The following NKAIN2 variants were observed in gnomAD, a reference collection of about 807,000 sequenced individuals.
The protein encoded by NKAIN2 is sodium/potassium-transporting ATPase subunit beta-1-interacting protein 2.
A neutral mutation model predicts 32.6 loss-of-function variants in NKAIN2; 14 were observed. The observed-to-expected ratio is 0.43, with a 90% confidence interval of 0.28 to 0.67. The LOEUF is 0.67. Among genes scored for constraint, NKAIN2 ranks in the 30% least tolerant of loss-of-function variants. The pLI is 0.17. For missense variants in NKAIN2, 198 were observed against 258.3 expected, an observed-to-expected ratio of 0.77 and a Z score of 1.60; for synonymous variants, 80 against 87.2, an observed-to-expected ratio of 0.92 and a Z score of 0.46.
At chr6:124,462,305 A>G (rs1776564083) in intron 3 of NKAIN2, among the ~76,000 whole-genome samples, 1 of 151,948 alleles carries the variant, frequency 6.6e-6, no homozygotes. Flanking sequence ...CAGTCATTAG[A>G]GCTTAGCTTT....
At chr6:124,588,447 G>T (rs1781791874) in intron 3 of NKAIN2, among the ~76,000 whole-genome samples, 1 of 152,014 alleles carries the variant, frequency 6.6e-6, no homozygotes, top group South Asian at 2.1e-4. Flanking sequence ...TTTCGGTAAT[G>T]ATCATACACT....
In NKAIN2 at chr6:124,268,771, A is replaced by C. The variant is rs554319009; in HGVS notation, c.55-14234A>C. Among the ~76,000 whole-genome samples, 346 of 151,870 alleles carry C rather than the reference A, an allele frequency of 2.3e-3. 2 individuals carry two copies. Among genetic ancestry groups the C allele is most frequent in the Non-Finnish European group, 4.0e-3 (270 of 67,928 alleles). On this transcript the variant is annotated intron_variant, in intron 1 of 6. Transcript: ENST00000368417. ...ATATTCAGTATTGTATGTGCATATA[A>C]ATTTTAATACCACTGCTGAAGTGAT...
chr6:124,732,821 A>C (rs909963913), intron 4 of NKAIN2, among the ~76,000 whole-genome samples: 6 of 152,026 alleles, frequency 3.9e-5, no homozygotes, highest in African/African-American at 1.2e-4. Flanking sequence ...ATTCTACTAG[A>C]TATTAACCCA....
chr6:124,343,932 C>T (rs190740322), intron 2 of NKAIN2, among the ~76,000 whole-genome samples: 2,547 of 145,168 alleles, frequency 0.018, 87 homozygotes, highest in East Asian at 0.12. Flanking sequence ...ATGGTATTGC[C>T]TAGGTTTTCT....
intron 1 of NKAIN2, among the ~76,000 whole-genome samples, chr6:124,149,468 G>A (rs1787587501): frequency 6.6e-6 from 1 of 152,158 alleles, no homozygotes; most frequent in South Asian, 2.1e-4. Flanking sequence ...TTTATGGTGA[G>A]AGGTCCTGGT....
intron 3 of NKAIN2, among the ~76,000 whole-genome samples, chr6:124,642,146 A>AT (rs1020743520): frequency 2.6e-5 from 4 of 152,110 alleles, no homozygotes; most frequent in Non-Finnish European, 5.9e-5. Flanking sequence ...ACACCTTTGA[A>AT]TTTTTTAGTG....
At chr6:124,139,829 A>C (rs1224292183) in intron 1 of NKAIN2, among the ~76,000 whole-genome samples, 1 of 152,184 alleles carries the variant, frequency 6.6e-6, no homozygotes, top group African/African-American at 2.4e-5. Flanking sequence ...GAAGAAGGAT[A>C]TTTATTTCTC....
intron 1 of NKAIN2, among the ~76,000 whole-genome samples, chr6:123,869,553 G>T (rs79056243): frequency 6.6e-6 from 1 of 152,138 alleles, no homozygotes; most frequent in African/African-American, 2.4e-5. Flanking sequence ...TCATTAAATG[G>T]CAACTGAACA....
intron 1 of NKAIN2, among the ~76,000 whole-genome samples, chr6:124,094,177 C>G (rs888367382): frequency 6.6e-6 from 1 of 152,126 alleles, no homozygotes; most frequent in Non-Finnish European, 1.5e-5. Context: ...ATTTACAATA[C>G]TTTTTATCTC....
intron 1 of NKAIN2, among the ~76,000 whole-genome samples, chr6:123,918,487 G>T (rs1397974749): frequency 1.3e-5 from 2 of 152,192 alleles, no homozygotes; most frequent in African/African-American, 4.8e-5. Flanking sequence ...CCGCATGGCA[G>T]AAATGCCCTT....
At chr6:124,222,907 T>G (rs2114702323) in intron 1 of NKAIN2, among the ~76,000 whole-genome samples, 1 of 152,188 alleles carries the variant, frequency 6.6e-6, no homozygotes, top group Admixed American at 6.5e-5. Context: ...TCAGATGATA[T>G]TAGAAAGAAC....
At chr6:124,712,612 C>T (rs900896711) in intron 4 of NKAIN2, among the ~76,000 whole-genome samples, 5 of 148,880 alleles carry the variant, frequency 3.4e-5, no homozygotes, top group Non-Finnish European at 5.9e-5. Context: ...TTCTTTGAGT[C>T]GGAAAGGGAA....
intron 4 of NKAIN2, among the ~76,000 whole-genome samples, chr6:124,731,904 A>G (rs935296071): frequency 3.3e-5 from 5 of 152,112 alleles, no homozygotes; most frequent in Admixed American, 3.3e-4. Flanking sequence ...CAGTATCTAT[A>G]AAGTCCCAGT....
chr6:124,515,708 T>TGTTTCCCTTCTTTCTTTG lies in NKAIN2; in HGVS notation c.274-142478_274-142477insGTTTCCCTTCTTTCTTTG, dbSNP rs1778884180. On this transcript the variant is annotated intron_variant, in intron 3 of 6. Coordinates refer to ENST00000368417, the MANE Select transcript of NKAIN2 (RefSeq NM_001040214.3). ...ACTTCCCTACTTCATTTTTCTTCGC[T>TGTTTCCCTTCTTTCTTTG]TTCTCTCCGTCTCGCTCTGTCGCCC... 1.5e-3 allele frequency among the ~76,000 whole-genome samples: 5 copies of TGTTTCCCTTCTTTCTTTG among 3,446 alleles called. 2 individuals are homozygous for TGTTTCCCTTCTTTCTTTG. In the Non-Finnish European group the frequency reaches 0.035, roughly 24 times the overall value. 2.3% of individuals were successfully genotyped at this position (3,446 alleles called of 152,430 possible). A position where few individuals can be genotyped will look rare whatever the true frequency, so the allele number is the denominator to read the frequency against.
chr6:124,616,106 C>T (rs1388399269), intron 3 of NKAIN2, among the ~76,000 whole-genome samples: 1 of 151,980 alleles, frequency 6.6e-6, no homozygotes, highest in Admixed American at 6.6e-5. Context: ...GTATTCTTCC[C>T]TTACTTCTCA....
chr6:123,919,616 G>C (rs1341512225), intron 1 of NKAIN2, among the ~76,000 whole-genome samples: 1 of 152,040 alleles, frequency 6.6e-6, no homozygotes, highest in East Asian at 1.9e-4. Context: ...GAAAACCCTT[G>C]AACATTGAAA....
intron 2 of NKAIN2, among the ~76,000 whole-genome samples, chr6:124,314,654 G>A (rs1388487713): frequency 6.6e-6 from 1 of 152,132 alleles, no homozygotes; most frequent in African/African-American, 2.4e-5. Context: ...TTATCAGCCA[G>A]TCAGTAGCTG....
intron 3 of NKAIN2, among the ~76,000 whole-genome samples, chr6:124,641,568 T>TTTC (rs1253244003): frequency 2.3e-5 from 3 of 133,240 alleles, no homozygotes; most frequent in Admixed American, 7.4e-5. Context: ...TTTTTTTTTT[T>TTTC]TGAGACAGTG....
intron 1 of NKAIN2, among the ~76,000 whole-genome samples, chr6:124,138,095 A>G (rs1262357067): frequency 6.6e-6 from 1 of 152,222 alleles, no homozygotes; most frequent in Non-Finnish European, 1.5e-5. Context: ...ATATCTGCAA[A>G]CTATGCATCC....
Sources: allele counts gnomAD v4.1 joint callset (sites outside exome capture counted in the v4.1 genomes callset), GRCh38; gene constraint gnomAD v4.1.1; transcripts MANE v1.5; gene names NCBI Gene and HGNC (gene_info 2026-07-23, HGNC 2026-07-21).